ASB3: variants seen among roughly 807,000 people sequenced by gnomAD.
The protein encoded by ASB3 is ankyrin repeat and SOCS box protein 3.
A neutral mutation model predicts 54.5 loss-of-function variants in ASB3; 41 were observed. The observed-to-expected ratio is 0.75, with a 90% confidence interval of 0.59 to 0.98. The LOEUF (loss-of-function observed/expected upper bound fraction) is 0.98, where lower values mean the gene tolerates loss of function less well. Ranked by LOEUF, ASB3 falls within the 50% of genes least tolerant of loss-of-function variation. ASB3 has a pLI of 0.00. For missense variants in ASB3, 733 were observed against 620.0 expected, an observed-to-expected ratio of 1.18 and a Z score of -1.94; for synonymous variants, 266 against 221.2, an observed-to-expected ratio of 1.20 and a Z score of -1.80.
chr2:53,730,346 TAAATTTTAA>T (rs1671234174), intron 3 of ASB3, among the ~76,000 whole-genome samples: 2 of 152,200 alleles, frequency 1.3e-5, no homozygotes, highest in African/African-American at 2.4e-5. Context: ...GTGACTTCTT[TAAATTTTAA>T]GTTCAGAAAC....
At chr2:53,698,904 C>A (rs367800828) in intron 8 of ASB3, among the ~76,000 whole-genome samples, 25 of 152,296 alleles carry the variant, frequency 1.6e-4, no homozygotes, top group South Asian at 6.2e-4. Flanking sequence ...CTACCCATTA[C>A]CTAGTTCGAA....
intron 2 of ASB3, among the ~76,000 whole-genome samples, chr2:53,762,090 C>A (rs1340916760): frequency 6.6e-6 from 1 of 151,970 alleles, no homozygotes; most frequent in East Asian, 1.9e-4. Context: ...GCAGAAGGAG[C>A]AATGGCAGAT....
chr2:53,764,649 C>T (rs1245079450), intron 2 of ASB3, among the ~76,000 whole-genome samples: 1 of 152,110 alleles, frequency 6.6e-6, no homozygotes, highest in Non-Finnish European at 1.5e-5. Context: ...AACTAGCTGT[C>T]CAGAGGGAAG....
intron 3 of ASB3, among the ~76,000 whole-genome samples, chr2:53,741,645 A>G (rs1671940165): frequency 6.6e-6 from 1 of 152,182 alleles, no homozygotes; most frequent in Admixed American, 6.5e-5. Context: ...CACTGCTACC[A>G]TATACTAGAA....
chr2:53,731,434 A>G (rs182372206), intron 3 of ASB3, among the ~76,000 whole-genome samples: 11 of 151,806 alleles, frequency 7.2e-5, no homozygotes, highest in African/African-American at 2.7e-4. Context: ...AAAACAAAAA[A>G]CCAAAACTCT....
chr2:53,719,688 T>C (rs1232103386), intron 5 of ASB3, among the ~76,000 whole-genome samples: 5 of 151,852 alleles, frequency 3.3e-5, no homozygotes, highest in African/African-American at 1.2e-4. Flanking sequence ...AACCAATATA[T>C]ACTCATGTAC....
chr2:53,757,373 A>G (rs1672893181), intron 2 of ASB3, among the ~76,000 whole-genome samples: 1 of 152,214 alleles, frequency 6.6e-6, no homozygotes, highest in South Asian at 2.1e-4. Flanking sequence ...AGGGCCGACT[A>G]GAGGCAGAAA....
intron 9 of ASB3, among the ~76,000 whole-genome samples, chr2:53,678,541 T>C (rs1668203619): frequency 6.6e-6 from 1 of 152,188 alleles, no homozygotes; most frequent in Admixed American, 6.5e-5. Flanking sequence ...ATAGGTGCAC[T>C]AAGCAATCAC....
chr2:53,739,276 TCAACTCAGTTGTGGCATG>T (rs1345448724), intron 3 of ASB3, among the ~76,000 whole-genome samples: 2 of 152,114 alleles, frequency 1.3e-5, no homozygotes, highest in Non-Finnish European at 2.9e-5. Flanking sequence ...TTGACCAAAA[TCAACTCAGTTGTGGCATG>T]CAACATATTG....
chr2:53,720,962 C>A (rs182188967), intron 5 of ASB3, among the ~76,000 whole-genome samples: 7 of 151,132 alleles, frequency 4.6e-5, no homozygotes, highest in Admixed American at 4.6e-4. Flanking sequence ...ACTAAAAATA[C>A]AAAAAAATTA....
intron 7 of ASB3, among the ~76,000 whole-genome samples, chr2:53,712,086 T>C (rs1670131296): frequency 6.6e-6 from 1 of 151,762 alleles, no homozygotes; most frequent in Non-Finnish European, 1.5e-5. Flanking sequence ...GGAGTACTTG[T>C]GAAAGGAAAA....
chr2:53,754,856 C>A (rs1365038280), intron 2 of ASB3, among the ~76,000 whole-genome samples: 1 of 152,150 alleles, frequency 6.6e-6, no homozygotes, highest in African/African-American at 2.4e-5. Flanking sequence ...TTTTCACCAC[C>A]CACTATAAAT....
chr2:53,772,693 T>C (rs560869777), intron 1 of ASB3, among the ~76,000 whole-genome samples: 6 of 150,534 alleles, frequency 4.0e-5, no homozygotes, highest in East Asian at 2.0e-4. Context: ...CACCTGTGTG[T>C]TGTGTTTTGT....
At chr2:53,751,859 G>C (rs193149942) in intron 2 of ASB3, among the ~76,000 whole-genome samples, 266 of 152,258 alleles carry the variant, frequency 1.7e-3, no homozygotes, top group Middle Eastern at 3.4e-3. Context: ...AAACTTCACA[G>C]ATGCACAACT....
chr2:53,704,572 C>T (rs1669668665), intron 7 of ASB3, among the ~76,000 whole-genome samples: 1 of 152,074 alleles, frequency 6.6e-6, no homozygotes, highest in Non-Finnish European at 1.5e-5. Flanking sequence ...CCCTCAGACA[C>T]TGGTTATATG....
At chr2:53,712,030 C>A (rs1469034906) in intron 7 of ASB3, among the ~76,000 whole-genome samples, 1 of 151,896 alleles carries the variant, frequency 6.6e-6, no homozygotes, top group Non-Finnish European at 1.5e-5. Flanking sequence ...GTAACTGAGA[C>A]ATAAAAAGCA....
intron 3 of ASB3, among the ~76,000 whole-genome samples, chr2:53,738,193 T>C (rs1197713943): frequency 6.6e-6 from 1 of 152,210 alleles, no homozygotes; most frequent in African/African-American, 2.4e-5. Context: ...AGTTGTGACT[T>C]TTACCATCCT....
chr2:53,692,077 C>G (rs902340831), intron 9 of ASB3, among the ~76,000 whole-genome samples: 36 of 152,172 alleles, frequency 2.4e-4, no homozygotes, highest in Non-Finnish European at 3.8e-4. Flanking sequence ...TCCCTGGCCT[C>G]TACCCCTTAG....
intron 1 of ASB3, among the ~76,000 whole-genome samples, chr2:53,782,354 C>A (rs1275319526): frequency 6.6e-6 from 1 of 152,036 alleles, no homozygotes; most frequent in African/African-American, 2.4e-5. Context: ...AAACTGCAGT[C>A]CAGAACACAC....
Sources: allele counts gnomAD v4.1 joint callset (sites outside exome capture counted in the v4.1 genomes callset), GRCh38; gene constraint gnomAD v4.1.1; transcripts MANE v1.5; gene names NCBI Gene and HGNC (gene_info 2026-07-23, HGNC 2026-07-21).